The following PLB1 variants were observed in gnomAD, a reference collection of about 807,000 sequenced individuals.
The protein encoded by PLB1 is phospholipase B1.
PLB1 carries 242 observed loss-of-function variants against 227.4 expected under a neutral mutation model. That is an observed-to-expected ratio of 1.06 (90% CI 0.96 to 1.18). PLB1 has a LOEUF of 1.18. Ranked by LOEUF, PLB1 falls within the 50% of genes most tolerant of loss-of-function variation. PLB1 has a pLI of 0.00. For synonymous variants in PLB1, 757 were observed against 682.2 expected, an observed-to-expected ratio of 1.11 and a Z score of -1.71; for missense variants, 1,858 against 1,816.3, an observed-to-expected ratio of 1.02 and a Z score of -0.42.
rs1344368791 is a variant in PLB1, at chr2:28,593,685, G to A, written c.2252G>A (p.Gly751Asp). 2 of 1,613,872 alleles carry A rather than the reference G, an allele frequency of 1.2e-6. No homozygotes were observed. Among genetic ancestry groups the A allele is most frequent in the African/African-American group, 1.3e-5 (1 of 74,894 alleles). Residue 751 changes from glycine (G) to aspartate (D), a missense_variant, in exon 33 of 58, where the codon GGC (glycine) becomes GAC (aspartate). Gly to Asp is a moderately conservative substitution (Grantham distance 94). Transcript: ENST00000327757. The part of the protein sequence containing the change: ...VAALGDSLTA[G>D]NGIGSKPDDL... ...GACTCTGGTATATTTTCAAAGGCTG[G>A]CAATGGAATTGGCTCCAAACCAGAC...
At position 28,617,767 on chromosome 2, in the gene PLB1, C is replaced by T; in HGVS notation, c.3236C>T (p.Ser1079Phe). 6.2e-7 allele frequency: 1 copy of T among 1,614,106 alleles called. No homozygotes were observed. Among genetic ancestry groups the T allele is most frequent in the Non-Finnish European group, 8.5e-7 (1 of 1,179,930 alleles). The change falls in exon 45 of 58, where the codon TCC (serine) becomes TTC (phenylalanine). Residue 1079 changes from serine to phenylalanine, a missense_variant. Ser to Phe is a radical substitution (Grantham distance 155). Coordinates refer to ENST00000327757, the MANE Select transcript of PLB1 (RefSeq NM_153021.5). ...TTCCTGTGTACAGAGTGGAAGGCTT[C>T]CAATAGTGTTCCAACCTCTGGTGAG... is the stretch of plus-strand genomic sequence containing the variant. ...SDFLCTEWKA[S>F]NSVPTSVHQL...
intron 16 of PLB1, among the ~76,000 whole-genome samples, chr2:28,550,535 T>C (rs919787445): frequency 1.3e-5 from 2 of 150,954 alleles, no homozygotes; most frequent in Non-Finnish European, 1.5e-5. Context: ...ATTTTTTTTT[T>C]TTTTTTTTGG....
chr2:28,597,917 G>A, intron 33 of PLB1, 88 bp from the exon 34 acceptor site: 1 of 1,286,832 alleles, frequency 7.8e-7, no homozygotes, highest in Non-Finnish European at 1.1e-6. Flanking sequence ...CACTAAGAAG[G>A]GTGGGGGCTG....
intron 29 of PLB1, 148 bp from the exon 30 acceptor site, chr2:28,590,985 G>T: frequency 2.1e-6 from 2 of 933,784 alleles, no homozygotes; most frequent in South Asian, 1.3e-5. Flanking sequence ...CCTGCATCTT[G>T]GGAGGGAGTC....
At chr2:28,614,622 C>T (rs549314804) in intron 44 of PLB1, among the ~76,000 whole-genome samples, 22 of 152,278 alleles carry the variant, frequency 1.4e-4, no homozygotes, top group African/African-American at 5.1e-4. Context: ...GAGCCTAGGA[C>T]GGCCACTGCA....
intron 23 of PLB1, among the ~76,000 whole-genome samples, chr2:28,581,398 G>T (rs1403703197): frequency 7.7e-6 from 1 of 129,706 alleles, no homozygotes. Flanking sequence ...TCATCTGCTC[G>T]GACATCCCCA....
chr2:28,538,988 G>A (rs536970886), intron 10 of PLB1, 111 bp from the exon 11 acceptor site: 2 of 808,622 alleles, frequency 2.5e-6, no homozygotes, highest in Admixed American at 1.8e-5. Context: ...ACCAAGGGGA[G>A]GCCCATCACA....
At position 28,618,389 on chromosome 2, in the gene PLB1, ACTCT is replaced by A; in HGVS notation, c.3308_3311del (p.Ser1103Ter). On this transcript the variant is annotated frameshift_variant, in exon 46 of 58. Coordinates refer to ENST00000327757, the MANE Select transcript of PLB1 (RefSeq NM_153021.5). LOFTEE classifies it high-confidence loss of function. ...ATCAAAGTGGTGGCCGCCCTGGGTGACTCTCTGACTGTGAGTAGTGAGCCATGAA... is the reference window on the plus strand; with the variant it reads ...ATCAAAGTGGTGGCCGCCCTGGGTGACTGACTGTGAGTAGTGAGCCATGAA... 6.2e-7 allele frequency: 1 copy of A among 1,613,884 alleles called. No homozygotes were observed. The highest frequency in any genetic ancestry group is 2.2e-5 in the East Asian group (1 of 44,864).
chr2:28,523,294 A>G (rs1669772941), intron 4 of PLB1, among the ~76,000 whole-genome samples: 2 of 152,096 alleles, frequency 1.3e-5, no homozygotes, highest in African/African-American at 4.8e-5. Context: ...GTGTATATAT[A>G]AAACCTAAAT....
chr2:28,524,619 G>A (rs978570553), intron 4 of PLB1, among the ~76,000 whole-genome samples: 1 of 152,172 alleles, frequency 6.6e-6, no homozygotes, highest in Non-Finnish European at 1.5e-5. Context: ...CTAGTAGGGG[G>A]AGAGTTAAAT....
chr2:28,601,883 T>C lies in PLB1; in HGVS notation c.2608-16T>C. ...CTAACCAGTTCCTCCTTTTCCTCCT[T>C]CCTGTCTCTTTCTAGAATCTGTATT... On this transcript the variant is annotated splice_polypyrimidine_tract_variant and intron_variant, in intron 37 of 57. Transcript: ENST00000327757. The C allele has an allele frequency of 1.3e-6, 2 of 1,590,604 alleles. No individual in the cohort carries two copies. Among genetic ancestry groups the C allele is most frequent in the South Asian group, 2.2e-5 (2 of 90,638 alleles).
chr2:28,566,458 C>T (rs972740385), intron 19 of PLB1: 1 of 270,406 alleles, frequency 3.7e-6, no homozygotes, highest in Non-Finnish European at 7.1e-6. Flanking sequence ...TATTAATGCA[C>T]GCTGCAGTGG....
chr2:28,630,760 G>A (rs956085610), intron 54 of PLB1, 96 bp downstream of exon 54: 22 of 984,514 alleles, frequency 2.2e-5, no homozygotes, highest in African/African-American at 3.3e-5. Flanking sequence ...GTGGCCAAGA[G>A]CAAGCCACTC....
chr2:28,537,219 G>C (rs1224259477), intron 9 of PLB1, among the ~76,000 whole-genome samples: 2 of 152,144 alleles, frequency 1.3e-5, no homozygotes, highest in Non-Finnish European at 2.9e-5. Flanking sequence ...TGCCAGCCCA[G>C]GTGATTGACA....
At chr2:28,585,916 A>G in intron 26 of PLB1, 74 bp downstream of exon 26, 1 of 1,365,794 alleles carries the variant, frequency 7.3e-7, no homozygotes, top group Admixed American at 1.7e-5. Flanking sequence ...AGAACAAGTC[A>G]GTGCTTAGGT....
intron 1 of PLB1, among the ~76,000 whole-genome samples, chr2:28,503,436 G>A (rs1194461889): frequency 6.6e-6 from 1 of 152,162 alleles, no homozygotes; most frequent in Non-Finnish European, 1.5e-5. Flanking sequence ...ACAGGCATGA[G>A]CCACCATATC....
intron 16 of PLB1, among the ~76,000 whole-genome samples, chr2:28,551,487 T>C (rs1413901876): frequency 6.6e-6 from 1 of 152,242 alleles, no homozygotes; most frequent in Admixed American, 6.5e-5. Context: ...TTGCTCCAAA[T>C]AGTGGAGGCA....
intron 3 of PLB1, among the ~76,000 whole-genome samples, chr2:28,519,446 C>T (rs1216226074): frequency 3.3e-5 from 5 of 152,214 alleles, no homozygotes; most frequent in Admixed American, 6.5e-5. Flanking sequence ...GAGTGACCTT[C>T]CATGGGTCAC....
intron 23 of PLB1, among the ~76,000 whole-genome samples, chr2:28,581,468 T>A: frequency 7.1e-6 from 1 of 140,212 alleles, no homozygotes; most frequent in Middle Eastern, 3.6e-3. Flanking sequence ...ATGGAGTAGA[T>A]CCAGAGCTCC....
Sources: allele counts gnomAD v4.1 joint callset (sites outside exome capture counted in the v4.1 genomes callset), GRCh38; gene constraint gnomAD v4.1.1; transcripts MANE v1.5; gene names NCBI Gene and HGNC (gene_info 2026-07-23, HGNC 2026-07-21).